Variants in STPG2 observed in about 807,000 individuals in gnomAD.
STPG2 encodes the protein sperm-tail PG-rich repeat-containing protein 2.
Under a neutral mutation model 54.2 loss-of-function variants are expected in STPG2, and 56 were observed. The observed-to-expected ratio is 1.03, with a 90% CI of 0.83 to 1.29. STPG2 has a LOEUF of 1.29. Ranked by LOEUF, STPG2 falls within the 50% of genes most tolerant of loss-of-function variation. The pLI, the probability that STPG2 is intolerant of heterozygous loss-of-function variation, is 0.00. For missense variants in STPG2, 596 were observed against 544.9 expected, an observed-to-expected ratio of 1.09 and a Z score of -0.93; for synonymous variants, 200 against 181.8, an observed-to-expected ratio of 1.10 and a Z score of -0.81.
chr4:97,730,465 T>C (rs747327996), intron 9 of STPG2, among the ~76,000 whole-genome samples: 3 of 152,186 alleles, frequency 2.0e-5, no homozygotes, highest in Non-Finnish European at 4.4e-5. Flanking sequence ...GATGAACATA[T>C]GGATGCATGT....
At chr4:97,506,294 A>G (rs1367890243) in intron 4 of STPG2, among the ~76,000 whole-genome samples, 1 of 152,020 alleles carries the variant, frequency 6.6e-6, no homozygotes, top group Non-Finnish European at 1.5e-5. Flanking sequence ...TAATAGGCTG[A>G]TCAAGAAATA....
chr4:97,880,715 T>C (rs1235653968), intron 8 of STPG2, among the ~76,000 whole-genome samples: 1 of 152,144 alleles, frequency 6.6e-6, no homozygotes, highest in Non-Finnish European at 1.5e-5. Context: ...AACACTTTTT[T>C]TCCTGAGCAT....
At chr4:98,043,654 G>A (rs1229172150) in intron 5 of STPG2, among the ~76,000 whole-genome samples, 1 of 151,598 alleles carries the variant, frequency 6.6e-6, no homozygotes, top group Non-Finnish European at 1.5e-5. Context: ...TATTACATAT[G>A]CATTAACATA....
chr4:97,467,557 A>G (rs956934065), intron 4 of STPG2, among the ~76,000 whole-genome samples: 1 of 151,970 alleles, frequency 6.6e-6, no homozygotes, highest in African/African-American at 2.4e-5. Flanking sequence ...TATATGAACC[A>G]CAAGGCACAT....
chr4:98,102,029 T>A (rs1739053461), intron 5 of STPG2, among the ~76,000 whole-genome samples: 1 of 152,186 alleles, frequency 6.6e-6, no homozygotes, highest in African/African-American at 2.4e-5. Flanking sequence ...ATATTGTCAA[T>A]AATGAGCTTG....
intron 9 of STPG2, among the ~76,000 whole-genome samples, chr4:97,792,920 G>A (rs1399544538): frequency 1.3e-5 from 2 of 152,076 alleles, no homozygotes; most frequent in Non-Finnish European, 2.9e-5. Context: ...GGTAGGCCCA[G>A]GCTGGCAGAT....
At chr4:97,713,842 T>A (rs17026873) in intron 9 of STPG2, among the ~76,000 whole-genome samples, 4,294 of 152,248 alleles carry the variant, frequency 0.028, 136 homozygotes, top group East Asian at 0.09. Flanking sequence ...GAGACGTAAT[T>A]TTTTTTCTTC....
chr4:97,770,705 T>C lies in STPG2; in HGVS notation c.1205-57891A>G, dbSNP rs528527146. ...TTGGAATCTGGATGTATTTTGAAGA[T>C]AGATTCCACAGCACTTGCTGATGAA... On this transcript the variant is annotated intron_variant, in intron 9 of 10. Coordinates refer to ENST00000295268, the MANE Select transcript of STPG2 (RefSeq NM_174952.3). 2.6e-5 allele frequency among the ~76,000 whole-genome samples: 4 copies of C among 152,304 alleles called. No individual in the cohort carries two copies. In the South Asian group the frequency reaches 6.2e-4, roughly 24 times the overall value.
chr4:97,571,543 T>G (rs947999635), intron 10 of STPG2, among the ~76,000 whole-genome samples: 1 of 152,172 alleles, frequency 6.6e-6, no homozygotes, highest in African/African-American at 2.4e-5. Flanking sequence ...CCACCTCTTA[T>G]AGCAACCCAG....
intron 4 of STPG2, among the ~76,000 whole-genome samples, chr4:97,445,930 C>T (rs1294808970): frequency 2.0e-5 from 3 of 152,124 alleles, no homozygotes; most frequent in African/African-American, 7.2e-5. Context: ...GAAATAATAA[C>T]ATCCAATTTT....
chr4:97,603,634 T>A (rs2148908783), intron 10 of STPG2, among the ~76,000 whole-genome samples: 1 of 151,648 alleles, frequency 6.6e-6, no homozygotes, highest in South Asian at 2.1e-4. Context: ...TATATCGTTA[T>A]ATATATAAAA....
chr4:98,087,528 T>C (rs1411189405), intron 5 of STPG2, among the ~76,000 whole-genome samples: 1 of 151,878 alleles, frequency 6.6e-6, no homozygotes, highest in Non-Finnish European at 1.5e-5. Context: ...AATATAATTG[T>C]ATCCCTTAAT....
chr4:97,768,443 C>A (rs1473964346), intron 9 of STPG2, among the ~76,000 whole-genome samples: 1 of 152,016 alleles, frequency 6.6e-6, no homozygotes, highest in Non-Finnish European at 1.5e-5. Flanking sequence ...CAGTGGTGGG[C>A]AAAGGGAACA....
chr4:97,566,506 C>A (rs1223306029), intron 10 of STPG2, among the ~76,000 whole-genome samples: 6 of 152,162 alleles, frequency 3.9e-5, no homozygotes, highest in Non-Finnish European at 8.8e-5. Context: ...GATGGAAATG[C>A]AGAAATCACC....
chr4:98,109,423 T>G (rs983964681), intron 3 of STPG2, 118 bp from the exon 4 acceptor site: 7 of 697,120 alleles, frequency 1.0e-5, no homozygotes, highest in Non-Finnish European at 1.7e-5. Context: ...GTAAGGGGGT[T>G]CCACTGGTAA....
At chr4:98,035,519 A>G (rs1017115543) in intron 5 of STPG2, among the ~76,000 whole-genome samples, 2 of 152,234 alleles carry the variant, frequency 1.3e-5, no homozygotes, top group Non-Finnish European at 2.9e-5. Context: ...GAGTTCAACC[A>G]TTGTGGAAGA....
intron 9 of STPG2, among the ~76,000 whole-genome samples, chr4:97,819,729 C>G (rs987654830): frequency 6.6e-6 from 1 of 151,800 alleles, no homozygotes; most frequent in African/African-American, 2.4e-5. Flanking sequence ...AAAATTTAAA[C>G]CATTTAAACT....
At chr4:97,816,602 T>A (rs913016203) in intron 9 of STPG2, among the ~76,000 whole-genome samples, 1 of 152,122 alleles carries the variant, frequency 6.6e-6, no homozygotes, top group African/African-American at 2.4e-5. Context: ...GTAGACTGAG[T>A]AAAGCAGATT....
intron 9 of STPG2, among the ~76,000 whole-genome samples, chr4:97,742,840 A>G (rs1725306508): frequency 6.6e-6 from 1 of 151,674 alleles, no homozygotes; most frequent in Non-Finnish European, 1.5e-5. Context: ...TCTCAAGTAC[A>G]GCATGAGGAT....
Sources: allele counts gnomAD v4.1 joint callset (sites outside exome capture counted in the v4.1 genomes callset), GRCh38; gene constraint gnomAD v4.1.1; transcripts MANE v1.5; gene names NCBI Gene and HGNC (gene_info 2026-07-23, HGNC 2026-07-21).